Variants in GLIS1 observed in about 807,000 individuals in gnomAD.
GLIS1 encodes zinc finger protein GLIS1.
GLIS1 carries 24 observed loss-of-function variants against 63.8 expected under a neutral mutation model. The observed-to-expected ratio is 0.38, with a 90% CI of 0.27 to 0.53. The LOEUF (loss-of-function observed/expected upper bound fraction) is 0.53, where lower values mean the gene tolerates loss of function less well. Ranked by LOEUF, GLIS1 falls within the 20% of genes least tolerant of loss-of-function variation. The probability of loss-of-function intolerance (pLI) is 0.85; values close to 1 mark genes in which losing one functional copy is unlikely to be tolerated. For missense variants in GLIS1, 1,036 were observed against 1,074.1 expected, an observed-to-expected ratio of 0.96 and a Z score of 0.50; for synonymous variants, 450 against 482.5, an observed-to-expected ratio of 0.93 and a Z score of 0.88.
rs140503000 is a variant in GLIS1, at chr1:53,558,482, A to C, written c.1321-28530T>G. On this transcript the variant is annotated intron_variant, in intron 4 of 10. Transcript: ENST00000628545. Reference sequence around the variant, plus strand: ...CACCCTGGGCCCTATACTCCACCCCAGCAGACTTCCAGCCATTCTTGAACA... The same window carrying C: ...CACCCTGGGCCCTATACTCCACCCCCGCAGACTTCCAGCCATTCTTGAACA... Among the ~76,000 whole-genome samples the C allele has an allele frequency of 9.7e-3, 1,481 of 152,232 alleles. 25 individuals carry two copies. Among genetic ancestry groups the C allele is most frequent in the African/African-American group, 0.035 (1,436 of 41,534 alleles).
rs1172859317 is a variant in GLIS1, at chr1:53,560,940, G to T, written c.1321-30988C>A. On this transcript the variant is annotated intron_variant, in intron 4 of 10. Coordinates refer to ENST00000628545, the MANE Select transcript of GLIS1 (RefSeq NM_001367484.1). The surrounding 1 kb of genome is among the most constrained non-coding windows in gnomAD (Gnocchi z 4.4). The stretch of plus-strand genomic sequence containing the variant: ...GGCAGCCAGGCAGAGCTCCAGAGAG[G>T]AGGCCGGGCCCACACTGGATGTCCG... Among the ~76,000 whole-genome samples the T allele has an allele frequency of 2.0e-5, 3 of 152,186 alleles. No homozygotes were observed. The highest frequency in any genetic ancestry group is 4.4e-5 in the Non-Finnish European group (3 of 68,038).
rs149821014 is a variant in GLIS1, at chr1:53,582,596, A to C, written c.1320+11512T>G. Among the ~76,000 whole-genome samples, 865 of 152,342 alleles carry C rather than the reference A, an allele frequency of 5.7e-3. 12 individuals carry two copies. The highest frequency in any genetic ancestry group is 9.6e-3 in the Non-Finnish European group (652 of 68,020). ...AACCTGGGAAATTTCCTCCCAGTGC[A>C]CATGACAAGAGCCAGTGTTCTTCAG... On this transcript the variant is annotated intron_variant, in intron 4 of 10. Coordinates refer to ENST00000628545, the MANE Select transcript of GLIS1 (RefSeq NM_001367484.1).
chr1:53,722,192 C>A (rs946100109), intron 2 of GLIS1, among the ~76,000 whole-genome samples: 1 of 152,168 alleles, frequency 6.6e-6, no homozygotes, highest in African/African-American at 2.4e-5. Context: ...AATCAGTGTA[C>A]CCTTCCCAAA....
intron 2 of GLIS1, among the ~76,000 whole-genome samples, chr1:53,711,161 G>T (rs772998987): frequency 1.3e-5 from 2 of 152,104 alleles, no homozygotes; most frequent in African/African-American, 2.4e-5. Flanking sequence ...CCGACCTTCG[G>T]ACCCTCTACT....
intron 2 of GLIS1, among the ~76,000 whole-genome samples, chr1:53,614,428 C>T (rs915456462): frequency 3.4e-4 from 51 of 152,048 alleles, no homozygotes; most frequent in Admixed American, 2.6e-3. Context: ...CGTTCCAGGG[C>T]GGGAACACAG....
chr1:53,688,870 G>T (rs536288732), intron 2 of GLIS1: 8 of 152,350 alleles, frequency 5.3e-5, no homozygotes, highest in African/African-American at 1.9e-4. Context: ...TTCATTTGGG[G>T]GCACCTTGAG....
chr1:53,570,808 C>T (rs1336508937), intron 4 of GLIS1, among the ~76,000 whole-genome samples: 2 of 152,152 alleles, frequency 1.3e-5, no homozygotes, highest in East Asian at 3.8e-4. Flanking sequence ...ATACCATATA[C>T]TCTAATTCCA....
At chr1:53,587,616 C>G (rs1645148601) in intron 4 of GLIS1, among the ~76,000 whole-genome samples, 1 of 152,218 alleles carries the variant, frequency 6.6e-6, no homozygotes, top group African/African-American at 2.4e-5. Flanking sequence ...GAGGTGTTCT[C>G]TACTCCAAGA....
At chr1:53,666,782 G>C (rs755084662) in intron 2 of GLIS1, among the ~76,000 whole-genome samples, 10 of 148,010 alleles carry the variant, frequency 6.8e-5, no homozygotes, top group Non-Finnish European at 1.0e-4. Context: ...TGTGGGCCAG[G>C]CTGGGGAGCC....
chr1:53,563,099 G>A (rs1469610422), intron 4 of GLIS1, among the ~76,000 whole-genome samples: 1 of 152,244 alleles, frequency 6.6e-6, no homozygotes. Flanking sequence ...GAAATCCCAG[G>A]CCAGAACTAG....
At chr1:53,696,882 G>A (rs562859586) in intron 2 of GLIS1, among the ~76,000 whole-genome samples, 35 of 152,188 alleles carry the variant, frequency 2.3e-4, no homozygotes, top group Non-Finnish European at 3.8e-4. Flanking sequence ...AAAGACTTTC[G>A]CCTTTCAACC....
intron 2 of GLIS1, among the ~76,000 whole-genome samples, chr1:53,724,369 T>C (rs545580640): frequency 5.9e-5 from 9 of 152,372 alleles, no homozygotes; most frequent in African/African-American, 2.2e-4. Flanking sequence ...AGCTACCAGC[T>C]AGCCATGTGT....
At chr1:53,597,176 TAAAAAAAAAAA>T (rs57607550) in intron 3 of GLIS1, among the ~76,000 whole-genome samples, 578 of 19,298 alleles carry the variant, frequency 0.03, 13 homozygotes, top group African/African-American at 0.074. Context: ...CTGTCTCTAC[TAAAAAAAAAAA>T]AAAAAAAAAA....
intron 5 of GLIS1, among the ~76,000 whole-genome samples, 168 bp from the exon 6 acceptor site, chr1:53,525,055 A>T (rs1259548897): frequency 6.6e-6 from 1 of 152,132 alleles, no homozygotes; most frequent in East Asian, 1.9e-4. Context: ...CTGGCCTGGG[A>T]GCGGAGCAAG....
chr1:53,730,616 C>T (rs1015945644), intron 2 of GLIS1, among the ~76,000 whole-genome samples: 6 of 152,166 alleles, frequency 3.9e-5, no homozygotes, highest in Non-Finnish European at 7.3e-5. Flanking sequence ...CTGGGCTGTA[C>T]GGCAGGCAGG....
At chr1:53,692,675 G>T (rs1431630195) in intron 2 of GLIS1, among the ~76,000 whole-genome samples, 1 of 152,164 alleles carries the variant, frequency 6.6e-6, no homozygotes, top group Non-Finnish European at 1.5e-5. Context: ...AGTGGAAGTG[G>T]GGGACCCTGA....
intron 4 of GLIS1, among the ~76,000 whole-genome samples, chr1:53,565,776 A>C (rs1391987652): frequency 6.6e-6 from 1 of 152,114 alleles, no homozygotes; most frequent in Non-Finnish European, 1.5e-5. Context: ...CAAAGAACAT[A>C]TCATTCTAAT....
chr1:53,639,870 A>T lies in GLIS1; in HGVS notation c.260-39592T>A, dbSNP rs1645767381. ...GTAGGCAAATGTGGATGTTGTTTAA[A>T]AGCTGTGGCTTTGCTGCTAATAGTC... is the stretch of plus-strand genomic sequence containing the variant. On this transcript the variant is annotated intron_variant, in intron 2 of 10. Transcript: ENST00000628545. The surrounding 1 kb of genome is among the most constrained non-coding windows in gnomAD (Gnocchi z 4.6). Among the ~76,000 whole-genome samples, 1 of 152,138 alleles carries T rather than the reference A, an allele frequency of 6.6e-6. No individual in the cohort carries two copies. The highest frequency in any genetic ancestry group is 2.4e-5 in the African/African-American group (1 of 41,432).
rs760283252 is a variant in GLIS1 at position 53,522,986 on chromosome 1, C to CTTTTTCTTTTT, written c.1593+1790_1593+1791insAAAAAGAAAAA. On this transcript the variant is annotated intron_variant, in intron 6 of 10. Transcript: ENST00000628545. The stretch of plus-strand genomic sequence containing the variant: ...AGTTTCTTTTTCTTTTCTTTTCTTT[C>CTTTTTCTTTTT]TTTTTTTTTTTTTTTTTTTGAGACA... Among the ~76,000 whole-genome samples the CTTTTTCTTTTT allele has an allele frequency of 6.6e-4, 29 of 43,700 alleles. 1 individual carries two copies. Among genetic ancestry groups the CTTTTTCTTTTT allele is most frequent in the African/African-American group, 1.2e-3 (28 of 22,688 alleles). 28.7% of individuals were successfully genotyped at this position (43,700 alleles called of 152,430 possible). A position where few individuals can be genotyped will look rare whatever the true frequency, so the allele number is the denominator to read the frequency against.
Sources: gnomAD v4.1 joint callset for allele counts (sites outside exome capture counted in the v4.1 genomes callset) on GRCh38, gnomAD v4.1.1 for gene constraint, Gnocchi (gnomAD v3.1) non-coding constraint, MANE v1.5 for transcripts, NCBI Gene and HGNC (gene_info 2026-07-23, HGNC 2026-07-21) for gene names.